RPA3: variants seen among roughly 807,000 people sequenced by gnomAD.
The protein encoded by RPA3 is replication protein A 14 kDa subunit.
A neutral mutation model predicts 13.7 loss-of-function variants in RPA3; 24 were observed. The observed-to-expected ratio is 1.75, with a 90% CI of 1.27 to 2.46. The LOEUF (loss-of-function observed/expected upper bound fraction) is 2.46, where lower values mean the gene tolerates loss of function less well. RPA3 is among the 30% of genes most tolerant of loss of function. RPA3 has a pLI of 0.00. For synonymous variants in RPA3, 59 were observed against 51.2 expected (o/e 1.15, Z -0.65); for missense variants, 183 against 151.0 (o/e 1.21, Z -1.11).
intron 4 of RPA3, among the ~76,000 whole-genome samples, chr7:7,683,065 A>T (rs1384781378): frequency 6.6e-6 from 1 of 152,204 alleles, no homozygotes; most frequent in African/African-American, 2.4e-5. Flanking sequence ...ATGTACAGTG[A>T]AAGGCAATTG....
intron 4 of RPA3, among the ~76,000 whole-genome samples, chr7:7,646,998 C>T (rs536075046): frequency 3.0e-4 from 46 of 152,276 alleles, no homozygotes; most frequent in African/African-American, 9.9e-4. Context: ...ACCCTTCTGC[C>T]GCTTGTCCGT....
Position 7,712,488 on chromosome 7 carries a change from G to A in RPA3, c.-1028+2687C>T, listed in dbSNP as rs542737159. 1.9e-3 allele frequency among the ~76,000 whole-genome samples: 289 copies of A among 152,154 alleles called. 3 individuals carry two copies. The highest frequency in any genetic ancestry group is 6.8e-3 in the African/African-American group (282 of 41,516). On this transcript the variant is annotated intron_variant, in intron 2 of 7. Coordinates refer to ENST00000223129, the MANE Select transcript of RPA3 (RefSeq NM_002947.5). ...TATTATTATAGTAAATATTTTTAAA[G>A]TTGTATTTTCTGTTTGTTGCCAGCA... is the stretch of plus-strand genomic sequence containing the variant.
At chr7:7,673,217 T>C in intron 4 of RPA3, 2 of 814,772 alleles carry the variant, frequency 2.5e-6, no homozygotes, top group South Asian at 1.4e-5. Flanking sequence ...AGAGTAACTA[T>C]TGTTATATCG....
At chr7:7,665,987 C>T (rs1198076453) in intron 4 of RPA3, among the ~76,000 whole-genome samples, 3 of 151,960 alleles carry the variant, frequency 2.0e-5, no homozygotes. Context: ...AAAGTTGTTA[C>T]AACATTTGTA....
At chr7:7,708,592 AC>A (rs1780668201) in intron 2 of RPA3, among the ~76,000 whole-genome samples, 1 of 152,198 alleles carries the variant, frequency 6.6e-6, no homozygotes, top group Non-Finnish European at 1.5e-5. Context: ...AAATAAGTCA[AC>A]ATATTTGTCC....
rs960158174 is a variant in RPA3 at position 7,640,732 on chromosome 7, A to C, written c.-314T>G. 3.4e-6 allele frequency: 1 copy of C among 295,924 alleles called. No individual in the cohort carries two copies. The highest frequency in any genetic ancestry group is 4.4e-5 in the South Asian group (1 of 22,494). 18.3% of individuals were successfully genotyped at this position (295,924 alleles called of 1,614,324 possible). A position where few individuals can be genotyped will look rare whatever the true frequency, so the allele number is the denominator to read the frequency against. On this transcript the variant is annotated 5_prime_UTR_variant, in exon 5 of 8. Coordinates refer to ENST00000223129, the MANE Select transcript of RPA3 (RefSeq NM_002947.5). ...CGGAACCTGAGACTACCTTTCTGCG[A>C]TCACAGGATTCCCGGCGGTGACTTG...
chr7:7,647,150 G>T (rs894855652), intron 4 of RPA3, among the ~76,000 whole-genome samples: 2 of 152,158 alleles, frequency 1.3e-5, no homozygotes, highest in African/African-American at 4.8e-5. Flanking sequence ...AGTTATCTTT[G>T]ACTAGAGCTT....
intron 2 of RPA3, among the ~76,000 whole-genome samples, chr7:7,694,580 T>G (rs1050470996): frequency 2.0e-5 from 3 of 151,422 alleles, no homozygotes; most frequent in Non-Finnish European, 4.4e-5. Flanking sequence ...CTACTCTCTA[T>G]CTCTCTGAGT....
At chr7:7,671,299 C>T (rs13227682) in intron 4 of RPA3, among the ~76,000 whole-genome samples, 23,124 of 152,162 alleles carry the variant, frequency 0.15, 2,159 homozygotes, top group Middle Eastern at 0.23. Flanking sequence ...ATGCCCCCCT[C>T]TTCTCTTTAT....
chr7:7,663,601 A>G (rs528506056), intron 4 of RPA3, among the ~76,000 whole-genome samples: 2 of 151,878 alleles, frequency 1.3e-5, no homozygotes, highest in Non-Finnish European at 2.9e-5. Flanking sequence ...TCAGGTCTCT[A>G]CTATGAATCT....
chr7:7,666,772 C>T (rs567104042), intron 4 of RPA3, among the ~76,000 whole-genome samples: 1 of 151,978 alleles, frequency 6.6e-6, no homozygotes, highest in East Asian at 1.9e-4. Context: ...CAGGAATTTT[C>T]TCCCATTTTT....
intron 2 of RPA3, among the ~76,000 whole-genome samples, chr7:7,689,741 A>G (rs1017808897): frequency 2.6e-5 from 4 of 152,168 alleles, no homozygotes; most frequent in Non-Finnish European, 2.9e-5. Context: ...CTGGAGTTCA[A>G]TTTTAAATGA....
intron 2 of RPA3, among the ~76,000 whole-genome samples, chr7:7,701,101 G>A (rs943391764): frequency 3.9e-5 from 6 of 152,076 alleles, no homozygotes; most frequent in African/African-American, 9.7e-5. Flanking sequence ...GATCTCTATC[G>A]CCATTTGGTT....
intron 4 of RPA3, among the ~76,000 whole-genome samples, chr7:7,643,539 T>A (rs181108076): frequency 1.3e-5 from 2 of 152,248 alleles, no homozygotes; most frequent in Non-Finnish European, 2.9e-5. Context: ...GGTGAAACCC[T>A]GTCTCTACTA....
chr7:7,655,237 A>G (rs772939225), intron 4 of RPA3, among the ~76,000 whole-genome samples: 1 of 152,138 alleles, frequency 6.6e-6, no homozygotes, highest in Non-Finnish European at 1.5e-5. Context: ...GGAATAAACT[A>G]GACTGCCCCT....
Position 7,640,767 on chromosome 7 carries a change from G to A in RPA3, c.-349C>T, listed in dbSNP as rs1784949447. 4.0e-6 allele frequency: 1 copy of A among 247,516 alleles called. No individual in the cohort carries two copies. 15.3% of individuals were successfully genotyped at this position (247,516 alleles called of 1,614,324 possible). On this transcript the variant is annotated 5_prime_UTR_variant, in exon 5 of 8. Transcript: ENST00000223129. ...TCCCGGCGGTGACTTGACCCCGGAAGTGGGGTGTGAAGCTCCGGTGCTGGT... is the reference window on the plus strand; with the variant it reads ...TCCCGGCGGTGACTTGACCCCGGAAATGGGGTGTGAAGCTCCGGTGCTGGT...
chr7:7,660,506 A>C (rs1052457026), intron 4 of RPA3, among the ~76,000 whole-genome samples: 1 of 152,192 alleles, frequency 6.6e-6, no homozygotes. Context: ...CATGGTGACA[A>C]AATCTCTCAG....
intron 4 of RPA3, among the ~76,000 whole-genome samples, chr7:7,673,707 C>T (rs879635087): frequency 0.058 from 8,479 of 147,122 alleles, 312 homozygotes; most frequent in Middle Eastern, 0.14. Context: ...TTCTTTTTCC[C>T]CCCCTTTTTT....
intron 4 of RPA3, among the ~76,000 whole-genome samples, chr7:7,666,286 CT>C (rs1779453964): frequency 6.6e-6 from 1 of 152,160 alleles, no homozygotes; most frequent in South Asian, 2.1e-4. Flanking sequence ...TCATTGCATG[CT>C]CGACATCCTG....
Sources: allele counts gnomAD v4.1 joint callset (sites outside exome capture counted in the v4.1 genomes callset), GRCh38; gene constraint gnomAD v4.1.1; transcripts MANE v1.5; gene names NCBI Gene and HGNC (gene_info 2026-07-23, HGNC 2026-07-21).